Variants in ADGRL3 observed in about 807,000 individuals in gnomAD.
ADGRL3 encodes the protein calcium-independent alpha-latrotoxin receptor 3.
Under a neutral mutation model 153.5 loss-of-function variants are expected in ADGRL3, and 62 were observed. The ratio of observed to expected loss-of-function variants is 0.40; its 90% CI spans 0.33 to 0.50. The LOEUF (loss-of-function observed/expected upper bound fraction) is 0.50. Among genes scored for constraint, ADGRL3 ranks in the 20% least tolerant of loss-of-function variants. The pLI, the probability that ADGRL3 is intolerant of heterozygous loss-of-function variation, is 0.47. For missense variants in ADGRL3, 1,641 were observed against 1,859.4 expected, an observed-to-expected ratio of 0.88 and a Z score of 2.16; for synonymous variants, 710 against 672.5, an observed-to-expected ratio of 1.06 and a Z score of -0.86.
intron 1 of ADGRL3, among the ~76,000 whole-genome samples, chr4:61,220,604 G>T (rs1186821506): frequency 6.6e-6 from 1 of 152,116 alleles, no homozygotes; most frequent in East Asian, 1.9e-4. Context: ...TGTAGAAAAA[G>T]GGAGTGGAAC....
intron 2 of ADGRL3, among the ~76,000 whole-genome samples, chr4:61,492,208 G>A (rs759494574): frequency 2.6e-4 from 39 of 152,094 alleles, no homozygotes; most frequent in Non-Finnish European, 3.5e-4. Flanking sequence ...TGACAAATAT[G>A]AGTAAATATG....
At chr4:61,908,026 A>G (rs1167945034) in intron 11 of ADGRL3, among the ~76,000 whole-genome samples, 2 of 152,074 alleles carry the variant, frequency 1.3e-5, no homozygotes, top group Non-Finnish European at 2.9e-5. Flanking sequence ...TGATTAACAA[A>G]CTCCTGGTGG....
chr4:61,694,297 A>G (rs187644529), intron 6 of ADGRL3, among the ~76,000 whole-genome samples: 1 of 143,826 alleles, frequency 7.0e-6, no homozygotes, highest in Admixed American at 7.4e-5. Context: ...TTGGCCTTTC[A>G]AAGTATCGGG....
At chr4:61,555,243 A>T (rs190226333) in intron 4 of ADGRL3, among the ~76,000 whole-genome samples, 618 of 152,276 alleles carry the variant, frequency 4.1e-3, no homozygotes, top group Non-Finnish European at 4.6e-3. Flanking sequence ...TGGGGATGGC[A>T]TATTTTGATC....
chr4:61,217,678 C>T (rs1743462760), intron 1 of ADGRL3, among the ~76,000 whole-genome samples: 1 of 152,150 alleles, frequency 6.6e-6, no homozygotes, highest in African/African-American at 2.4e-5. Flanking sequence ...AAGTTCTATA[C>T]AAATATTGAA....
intron 5 of ADGRL3, among the ~76,000 whole-genome samples, chr4:61,640,692 A>C (rs547197186): frequency 2.6e-5 from 4 of 152,196 alleles, no homozygotes; most frequent in South Asian, 2.1e-4. Flanking sequence ...TTTATTAAGA[A>C]AACTCTATTG....
At chr4:61,623,392 A>G (rs2092650175) in intron 5 of ADGRL3, among the ~76,000 whole-genome samples, 1 of 152,010 alleles carries the variant, frequency 6.6e-6, no homozygotes, top group South Asian at 2.1e-4. Context: ...ATTTTTTTTA[A>G]GAGAAAAGAT....
chr4:61,969,561 T>C (rs1464697915), intron 17 of ADGRL3, among the ~76,000 whole-genome samples: 2 of 152,176 alleles, frequency 1.3e-5, no homozygotes, highest in Non-Finnish European at 2.9e-5. Context: ...ATAGTCATAC[T>C]CATTTGCATC....
chr4:61,312,241 A>G (rs575089080), intron 1 of ADGRL3, among the ~76,000 whole-genome samples: 90 of 152,270 alleles, frequency 5.9e-4, no homozygotes, highest in African/African-American at 2.0e-3. Flanking sequence ...ATGAGTCTAG[A>G]CACATACCTT....
At chr4:61,907,637 CATG>C (rs971245366) in intron 11 of ADGRL3, among the ~76,000 whole-genome samples, 3 of 150,018 alleles carry the variant, frequency 2.0e-5, no homozygotes, top group African/African-American at 4.9e-5. Flanking sequence ...TATATATACA[CATG>C]ATATATATAT....
chr4:61,321,829 A>G (rs2095362656), intron 1 of ADGRL3, among the ~76,000 whole-genome samples: 1 of 152,158 alleles, frequency 6.6e-6, no homozygotes, highest in African/African-American at 2.4e-5. Flanking sequence ...ACTGTATTTT[A>G]ATCACAGATT....
intron 17 of ADGRL3, among the ~76,000 whole-genome samples, chr4:61,963,790 T>A (rs2098996823): frequency 6.6e-6 from 1 of 152,168 alleles, no homozygotes. Flanking sequence ...ACTATTTAGG[T>A]TCTGTTTCAT....
At chr4:61,592,776 T>TA (rs1042583438) in intron 5 of ADGRL3, among the ~76,000 whole-genome samples, 1 of 152,152 alleles carries the variant, frequency 6.6e-6, no homozygotes, top group Admixed American at 6.6e-5. Context: ...TGTTCAGAGT[T>TA]AAAAAATTTA....
intron 4 of ADGRL3, among the ~76,000 whole-genome samples, chr4:61,532,553 C>CGTGTGTGTGTGTGT (rs1344839723): frequency 3.0e-5 from 4 of 131,516 alleles, no homozygotes; most frequent in African/African-American, 1.1e-4. Context: ...CGCGCGCGCG[C>CGTGTGTGTGTGTGT]GCGTGTGTGT....
intron 8 of ADGRL3, among the ~76,000 whole-genome samples, chr4:61,779,662 G>A (rs868726667): frequency 2.8e-4 from 42 of 148,090 alleles, no homozygotes; most frequent in Admixed American, 7.4e-4. Flanking sequence ...AAAAAAAAAG[G>A]GAGAGAATTA....
intron 3 of ADGRL3, 123 bp from the exon 4 acceptor site, chr4:61,517,192 G>C (rs2098501713): frequency 1.6e-6 from 1 of 632,460 alleles, no homozygotes; most frequent in Non-Finnish European, 2.9e-6. Context: ...GCCTGGGGTG[G>C]CTGGAGTCTT....
chr4:62,010,407 G>A (rs1436885856), intron 21 of ADGRL3, among the ~76,000 whole-genome samples: 2 of 151,786 alleles, frequency 1.3e-5, no homozygotes, highest in South Asian at 2.1e-4. Flanking sequence ...AATCAGGTAC[G>A]AAGAACAAAT....
intron 5 of ADGRL3, among the ~76,000 whole-genome samples, chr4:61,630,756 A>G (rs2093113925): frequency 6.6e-6 from 1 of 152,242 alleles, no homozygotes; most frequent in African/African-American, 2.4e-5. Context: ...AAATGTGTGC[A>G]AAGCACATAT....
At chr4:61,213,357 G>C (rs377355794) in intron 1 of ADGRL3, among the ~76,000 whole-genome samples, 1 of 152,064 alleles carries the variant, frequency 6.6e-6, no homozygotes, top group African/African-American at 2.4e-5. Flanking sequence ...TCATTTGTGC[G>C]TGCTTTTTCC....
Sources: allele counts gnomAD v4.1 joint callset (sites outside exome capture counted in the v4.1 genomes callset), GRCh38; gene constraint gnomAD v4.1.1; transcripts MANE v1.5; gene names NCBI Gene and HGNC (gene_info 2026-07-23, HGNC 2026-07-21).